NLGN1: variants seen among roughly 807,000 people sequenced by gnomAD.
NLGN1 encodes the protein neuroligin-1.
NLGN1 carries 12 observed loss-of-function variants against 65.5 expected under a neutral mutation model. The observed-to-expected ratio is 0.18, with a 90% CI of 0.12 to 0.30. The LOEUF (loss-of-function observed/expected upper bound fraction) is 0.30, where lower values mean the gene tolerates loss of function less well. Ranked by LOEUF, NLGN1 falls within the 10% of genes least tolerant of loss-of-function variation. The pLI, the probability that NLGN1 is intolerant of heterozygous loss-of-function variation, is 1.00. For synonymous variants in NLGN1, 350 were observed against 359.5 expected (o/e 0.97, Z 0.30); for missense variants, 750 against 1,007.1 (o/e 0.74, Z 3.46).
rs576928599 is a variant in NLGN1, at chr3:173,690,692, G to A, written c.493+85601G>A. On this transcript the variant is annotated intron_variant, in intron 3 of 6. Transcript: ENST00000457714. ...GGTAATCTGTAATCAAGTTAATGAA[G>A]AACATAGTTTCTGCTTCCGTTTACA... 7.4e-4 allele frequency among the ~76,000 whole-genome samples: 112 copies of A among 152,274 alleles called. 1 individual carries two copies. In the Middle Eastern group the frequency reaches 0.01, roughly 14 times the overall value.
At chr3:174,185,638 G>A (rs1336932136) in intron 4 of NLGN1, among the ~76,000 whole-genome samples, 5 of 151,840 alleles carry the variant, frequency 3.3e-5, no homozygotes, top group Non-Finnish European at 4.4e-5. Flanking sequence ...ATGAATCTTA[G>A]TATATAGTTG....
chr3:173,842,956 C>T (rs1420983148), intron 4 of NLGN1, among the ~76,000 whole-genome samples: 3 of 152,214 alleles, frequency 2.0e-5, no homozygotes, highest in Non-Finnish European at 4.4e-5. Context: ...CCATGAGAGC[C>T]GTGCCCCTGC....
At chr3:173,872,393 A>G (rs936808546) in intron 4 of NLGN1, among the ~76,000 whole-genome samples, 1 of 152,216 alleles carries the variant, frequency 6.6e-6, no homozygotes, top group East Asian at 1.9e-4. Context: ...GGAATGGCAA[A>G]TAGCTTCTTG....
chr3:174,039,736 C>T (rs951531684), intron 4 of NLGN1, among the ~76,000 whole-genome samples: 12 of 152,110 alleles, frequency 7.9e-5, no homozygotes, highest in African/African-American at 2.9e-4. Flanking sequence ...GTCAGGGCTT[C>T]TGGCAGCGAG....
intron 4 of NLGN1, among the ~76,000 whole-genome samples, chr3:174,110,387 A>AT (rs1273688450): frequency 1.3e-5 from 2 of 151,840 alleles, no homozygotes; most frequent in African/African-American, 2.4e-5. Flanking sequence ...TGTTCGTTGT[A>AT]TTTTTTCAGG....
intron 3 of NLGN1, among the ~76,000 whole-genome samples, chr3:173,687,659 A>G (rs2149809207): frequency 6.6e-6 from 1 of 152,344 alleles, no homozygotes; most frequent in South Asian, 2.1e-4. Context: ...TGTGAAAAGG[A>G]GTTGTCGATG....
intron 3 of NLGN1, among the ~76,000 whole-genome samples, chr3:173,781,282 ATC>A (rs781158179): frequency 1.2e-4 from 18 of 152,146 alleles, no homozygotes; most frequent in Non-Finnish European, 2.4e-4. Flanking sequence ...TCCAGGAAAT[ATC>A]TGTGTATATT....
At chr3:173,698,500 A>T (rs1475646841) in intron 3 of NLGN1, among the ~76,000 whole-genome samples, 1 of 152,176 alleles carries the variant, frequency 6.6e-6, no homozygotes, top group Non-Finnish European at 1.5e-5. Context: ...GATGCATAAG[A>T]CTTTACCCAC....
At chr3:173,654,379 A>T (rs1035572294) in intron 3 of NLGN1, among the ~76,000 whole-genome samples, 1 of 152,158 alleles carries the variant, frequency 6.6e-6, no homozygotes, top group Non-Finnish European at 1.5e-5. Flanking sequence ...GCATAACATT[A>T]TACTTGTTTA....
intron 2 of NLGN1, among the ~76,000 whole-genome samples, chr3:173,562,959 TA>T (rs1349102804): frequency 6.6e-6 from 1 of 152,148 alleles, no homozygotes; most frequent in Non-Finnish European, 1.5e-5. Flanking sequence ...CTGAACTATT[TA>T]TCTCACCAAA....
intron 2 of NLGN1, among the ~76,000 whole-genome samples, chr3:173,554,386 G>A (rs1741383886): frequency 6.6e-6 from 1 of 152,122 alleles, no homozygotes; most frequent in African/African-American, 2.4e-5. Flanking sequence ...GTATGGTAAT[G>A]AAAAATACCC....
intron 4 of NLGN1, among the ~76,000 whole-genome samples, chr3:174,195,220 T>G (rs1475796145): frequency 1.3e-5 from 2 of 152,206 alleles, no homozygotes; most frequent in Non-Finnish European, 2.9e-5. Flanking sequence ...TCTTGACCTT[T>G]AAACTAGTTC....
chr3:174,275,458 G>T, exon 5 of NLGN1: 1 of 1,612,636 alleles, frequency 6.2e-7, no homozygotes, highest in Non-Finnish European at 8.5e-7. Flanking sequence ...TGGTGCTGGG[G>T]GTTCATGTGT....
chr3:174,108,608 A>G (rs1305185624), intron 4 of NLGN1, among the ~76,000 whole-genome samples: 3 of 152,136 alleles, frequency 2.0e-5, no homozygotes, highest in Non-Finnish European at 4.4e-5. Context: ...AGCATTGACA[A>G]GTGGAGATTT....
chr3:173,763,914 T>C (rs1295114350), intron 3 of NLGN1, among the ~76,000 whole-genome samples: 1 of 152,186 alleles, frequency 6.6e-6, no homozygotes, highest in Non-Finnish European at 1.5e-5. Context: ...TCATTCAGTT[T>C]CCTGTGAAAT....
upstream of NLGN1, among the ~76,000 whole-genome samples, chr3:173,398,281 A>G (rs1716994122): frequency 6.6e-6 from 1 of 152,106 alleles, no homozygotes; most frequent in Admixed American, 6.5e-5. Context: ...CAGGGATAAG[A>G]AAGTTGCTCT....
At chr3:174,006,669 C>A (rs1000327676) in intron 4 of NLGN1, among the ~76,000 whole-genome samples, 1 of 152,136 alleles carries the variant, frequency 6.6e-6, no homozygotes, top group Admixed American at 6.5e-5. Context: ...CCCTAACCCC[C>A]AGTACTTCAG....
chr3:173,582,887 C>G (rs1030434383), intron 2 of NLGN1, among the ~76,000 whole-genome samples: 6 of 152,074 alleles, frequency 3.9e-5, no homozygotes, highest in Non-Finnish European at 5.9e-5. Flanking sequence ...AAATTTTGCT[C>G]AGCATCTTTA....
At chr3:174,259,982 A>G (rs1000631353) in intron 4 of NLGN1, among the ~76,000 whole-genome samples, 3 of 151,496 alleles carry the variant, frequency 2.0e-5, no homozygotes, top group Non-Finnish European at 4.4e-5. Flanking sequence ...ATGATTTCCA[A>G]TTTCATCCAT....
Sources: allele counts gnomAD v4.1 joint callset (sites outside exome capture counted in the v4.1 genomes callset), GRCh38; gene constraint gnomAD v4.1.1; transcripts MANE v1.5; gene names NCBI Gene and HGNC (gene_info 2026-07-23, HGNC 2026-07-21).